Variants in LINC00632 observed in about 807,000 individuals in gnomAD.
LINC00632 encodes the protein long independently transcribed non-coding RNA 632.
intron 3 of LINC00632, among the ~76,000 whole-genome samples, chrX:140,745,684 C>T (rs1316354103): frequency 8.9e-6 from 1 of 112,048 alleles, no homozygotes; most frequent in East Asian, 2.8e-4. Flanking sequence ...AAGTATTTCA[C>T]TACTGAATGT....
Position 140,710,288 on chromosome X carries a change from G to A in LINC00632, n.68+483G>A, listed in dbSNP as rs142874511. 2.2e-3 allele frequency among the ~76,000 whole-genome samples: 251 copies of A among 111,786 alleles called. 1 individual carries two copies. Among genetic ancestry groups the A allele is most frequent in the African/African-American group, 7.8e-3 (240 of 30,800 alleles). On this transcript the variant is annotated intron_variant and non_coding_transcript_variant, in intron 1 of 4. Transcript: ENST00000648200. Reference sequence around the variant, plus strand: ...TTTTAAATTAAGAAAGTCGTGTGACGGGATGTCTGTACTAGAGAGAAAATG... The same window carrying A: ...TTTTAAATTAAGAAAGTCGTGTGACAGGATGTCTGTACTAGAGAGAAAATG...
chrX:140,755,296 T>G (rs1169917802), intron 3 of LINC00632, among the ~76,000 whole-genome samples: 1 of 111,913 alleles, frequency 8.9e-6, no homozygotes, highest in Non-Finnish European at 1.9e-5. Context: ...TAAATAATCC[T>G]GTGTGTCCAC....
chrX:140,775,064 T>C (rs925012784), exon 5 of LINC00632, among the ~76,000 whole-genome samples: 1 of 112,091 alleles, frequency 8.9e-6, no homozygotes, highest in Non-Finnish European at 1.9e-5. Flanking sequence ...AGTATATTTA[T>C]GTTAAATTTC....
At chrX:140,750,024 C>T (rs1931387066) in intron 3 of LINC00632, among the ~76,000 whole-genome samples, 1 of 110,550 alleles carries the variant, frequency 9.0e-6, no homozygotes, top group Admixed American at 9.7e-5. Flanking sequence ...ACATGTTCTA[C>T]AAGTCCATCA....
At chrX:140,789,200 T>C (rs991281047) in exon 5 of LINC00632, among the ~76,000 whole-genome samples, 1 of 108,723 alleles carries the variant, frequency 9.2e-6, no homozygotes, top group African/African-American at 3.3e-5. Context: ...ACATTAAATG[T>C]TATAATAATA....
chrX:140,748,653 C>G (rs1248848118), intron 3 of LINC00632, among the ~76,000 whole-genome samples: 1 of 110,355 alleles, frequency 9.1e-6, no homozygotes, highest in Admixed American at 9.9e-5. Context: ...GTTGGGTGAT[C>G]TTTATCTCAT....
chrX:140,748,839 T>C (rs1473913135), intron 3 of LINC00632, among the ~76,000 whole-genome samples: 1 of 96,542 alleles, frequency 1.0e-5, no homozygotes, highest in African/African-American at 3.7e-5. Context: ...ATCTATGATA[T>C]ATATATTTTA....
intron 3 of LINC00632, among the ~76,000 whole-genome samples, chrX:140,744,949 A>C (rs759661635): frequency 9.1e-6 from 1 of 110,477 alleles, no homozygotes; most frequent in South Asian, 3.9e-4. Context: ...CAGACCAACC[A>C]AGAGAGGCCA....
intron 2 of LINC00632, among the ~76,000 whole-genome samples, chrX:140,731,129 C>T (rs1239694507): frequency 5.4e-5 from 6 of 111,696 alleles, no homozygotes; most frequent in African/African-American, 2.0e-4. Flanking sequence ...TCTCGAACTC[C>T]TGACCTGGTG....
intron 2 of LINC00632, among the ~76,000 whole-genome samples, chrX:140,719,575 C>T (rs1199564139): frequency 1.8e-5 from 2 of 108,481 alleles, no homozygotes; most frequent in East Asian, 3.1e-4. Context: ...GAATTATAGG[C>T]GTGAGCCACC....
chrX:140,723,853 C>G (rs867031167), intron 2 of LINC00632, among the ~76,000 whole-genome samples: 1 of 17,589 alleles, frequency 5.7e-5, no homozygotes, highest in African/African-American at 2.3e-4. Flanking sequence ...CATACACACA[C>G]ACATTCCATA....
At chrX:140,729,909 G>A (rs1437982032) in intron 2 of LINC00632, among the ~76,000 whole-genome samples, 1 of 63,941 alleles carries the variant, frequency 1.6e-5, no homozygotes, top group Non-Finnish European at 2.8e-5. Flanking sequence ...ACGGAGTCTT[G>A]CTTTGTCACC....
chrX:140,721,368 T>A (rs1930725633), intron 2 of LINC00632, among the ~76,000 whole-genome samples: 1 of 111,573 alleles, frequency 9.0e-6, no homozygotes, highest in Admixed American at 9.6e-5. Flanking sequence ...ACCACTTTTG[T>A]GGAAGACAGT....
At chrX:140,791,184 C>CTTA (rs1556031813) in exon 5 of LINC00632, among the ~76,000 whole-genome samples, 22 of 111,199 alleles carry the variant, frequency 2.0e-4, no homozygotes, top group African/African-American at 5.6e-4. Context: ...TCTTGATTGA[C>CTTA]TTATAATTTT....
exon 5 of LINC00632, among the ~76,000 whole-genome samples, chrX:140,780,934 G>A (rs1419016857): frequency 1.8e-5 from 2 of 110,003 alleles, no homozygotes; most frequent in African/African-American, 6.6e-5. Flanking sequence ...GGGGTATTAG[G>A]TGTTCTACTG....
exon 5 of LINC00632, among the ~76,000 whole-genome samples, chrX:140,786,661 TTAG>T (rs1317291562): frequency 9.0e-6 from 1 of 111,542 alleles, no homozygotes; most frequent in Non-Finnish European, 1.9e-5. Flanking sequence ...ACTTTTTGGT[TTAG>T]TATATTCCAC....
At chrX:140,767,935 C>T (rs765013028) in intron 3 of LINC00632, among the ~76,000 whole-genome samples, 1 of 111,644 alleles carries the variant, frequency 9.0e-6, no homozygotes, top group Non-Finnish European at 1.9e-5. Flanking sequence ...ACGGTGGAGC[C>T]TAACCACCTC....
chrX:140,782,869 T>A (rs1246609335), exon 5 of LINC00632: 2 of 80,981 alleles, frequency 2.5e-5, no homozygotes, highest in African/African-American at 9.9e-5. Flanking sequence ...CCAAACTGTC[T>A]TTTTGACATA....
intron 3 of LINC00632, among the ~76,000 whole-genome samples, chrX:140,740,681 C>CT (rs1234355601): frequency 9.0e-6 from 1 of 110,881 alleles, no homozygotes; most frequent in Non-Finnish European, 1.9e-5. Flanking sequence ...GCAAAAGGGG[C>CT]TTTTGCACAG....
Sources: allele counts gnomAD v4.1 joint callset (sites outside exome capture counted in the v4.1 genomes callset), GRCh38; gene constraint gnomAD v4.1.1; transcripts MANE v1.5; gene names NCBI Gene and HGNC (gene_info 2026-07-23, HGNC 2026-07-21).